The following FILIP1 variants were observed in gnomAD, a reference collection of about 807,000 sequenced individuals.
FILIP1 encodes filamin A interacting protein 1.
FILIP1 carries 61 observed loss-of-function variants against 102.1 expected under a neutral mutation model. That is an observed-to-expected ratio of 0.60 (90% CI 0.49 to 0.74). The LOEUF (loss-of-function observed/expected upper bound fraction) is 0.74, where lower values mean the gene tolerates loss of function less well. Ranked by LOEUF, FILIP1 falls within the 30% of genes least tolerant of loss-of-function variation. The pLI is 0.00. For missense variants in FILIP1, 1,314 were observed against 1,441.2 expected (o/e 0.91, Z 1.43); for synonymous variants, 491 against 526.9 (o/e 0.93, Z 0.93).
intron 3 of FILIP1, among the ~76,000 whole-genome samples, chr6:75,355,444 A>C (rs1448492723): frequency 7.2e-6 from 1 of 137,958 alleles, no homozygotes; most frequent in African/African-American, 2.8e-5. Context: ...CCCAGGCTGG[A>C]GTGCAGTGGC....
Position 75,314,263 on chromosome 6 carries a change from CTCT to C in FILIP1, c.1566_1568del (p.Glu523del). The stretch of plus-strand genomic sequence containing the variant: ...TTTTATTGAGTCCATCCACTTTTCT[CTCT>C]TCTTGTTTTATTTTTTCCATCATAT... On this transcript the variant is annotated inframe_deletion, in exon 5 of 6. Coordinates refer to ENST00000237172, the MANE Select transcript of FILIP1 (RefSeq NM_015687.5). The C allele has an allele frequency of 6.4e-7, 1 of 1,553,942 alleles. No individual in the cohort carries two copies. The highest frequency in any genetic ancestry group is 8.6e-7 in the Non-Finnish European group (1 of 1,161,596).
chr6:75,400,459 G>C (rs942897983), intron 2 of FILIP1, among the ~76,000 whole-genome samples: 5 of 152,152 alleles, frequency 3.3e-5, no homozygotes, highest in African/African-American at 1.2e-4. Context: ...TTTAGAAAAA[G>C]ATGGAGATGA....
At chr6:75,300,300 CA>C (rs1772803459) in intron 6 of FILIP1, among the ~76,000 whole-genome samples, 1 of 152,178 alleles carries the variant, frequency 6.6e-6, no homozygotes, top group Admixed American at 6.5e-5. Context: ...AGAACAAAAA[CA>C]TGTCCTCTTG....
intron 2 of FILIP1, among the ~76,000 whole-genome samples, chr6:75,397,409 T>G (rs1042777168): frequency 1.3e-5 from 2 of 151,662 alleles, no homozygotes; most frequent in African/African-American, 4.8e-5. Flanking sequence ...AAAAAAGGCA[T>G]GCATAGTTTG....
intron 1 of FILIP1, among the ~76,000 whole-genome samples, chr6:75,424,428 T>C (rs1777569232): frequency 1.3e-5 from 2 of 152,194 alleles, no homozygotes; most frequent in African/African-American, 4.8e-5. Context: ...ACTGCCTTTC[T>C]ACTCCTCAAT....
chr6:75,371,590 A>G (rs945544456), intron 2 of FILIP1, among the ~76,000 whole-genome samples: 3 of 152,190 alleles, frequency 2.0e-5, no homozygotes, highest in African/African-American at 7.2e-5. Context: ...AACTTACACT[A>G]ATCAAAATAG....
intron 1 of FILIP1, among the ~76,000 whole-genome samples, chr6:75,424,541 T>C (rs1043870917): frequency 1.3e-5 from 2 of 152,170 alleles, no homozygotes; most frequent in African/African-American, 4.8e-5. Flanking sequence ...AACAGAAACA[T>C]TTTATGACAA....
chr6:75,394,278 T>A (rs1776383047), intron 2 of FILIP1, among the ~76,000 whole-genome samples: 1 of 152,178 alleles, frequency 6.6e-6, no homozygotes, highest in African/African-American at 2.4e-5. Context: ...TAGTTCACTT[T>A]AGGATGAATT....
intron 4 of FILIP1, chr6:75,318,977 C>T (rs1773540749): frequency 1.7e-6 from 1 of 599,596 alleles, no homozygotes; most frequent in South Asian, 1.8e-5. Flanking sequence ...GAGTTGTGTA[C>T]AGGGAGGTTA....
At chr6:75,330,595 T>C (rs1042208598) in intron 4 of FILIP1, among the ~76,000 whole-genome samples, 1 of 152,212 alleles carries the variant, frequency 6.6e-6, no homozygotes, top group African/African-American at 2.4e-5. Flanking sequence ...AACTGCTTTT[T>C]CTTCATAAGA....
At chr6:75,316,063 T>C (rs1387821902) in intron 4 of FILIP1, among the ~76,000 whole-genome samples, 2 of 152,168 alleles carry the variant, frequency 1.3e-5, no homozygotes, top group African/African-American at 4.8e-5. Context: ...TGTATATCAA[T>C]ACAAAAATGT....
intron 4 of FILIP1, among the ~76,000 whole-genome samples, chr6:75,346,649 T>C (rs1428138423): frequency 6.6e-6 from 1 of 152,142 alleles, no homozygotes; most frequent in African/African-American, 2.4e-5. Context: ...GGAAGCTACC[T>C]TTTTAAGTTA....
chr6:75,465,273 G>T, intron 1 of FILIP1: 1 of 303,170 alleles, frequency 3.3e-6, no homozygotes, highest in South Asian at 3.6e-5. Flanking sequence ...AGATGCACAG[G>T]GCTAACAATT....
chr6:75,490,948 A>G (rs574959493), intron 1 of FILIP1, among the ~76,000 whole-genome samples: 29 of 152,248 alleles, frequency 1.9e-4, no homozygotes, highest in Admixed American at 1.6e-3. Context: ...GAACATCCAC[A>G]ATGTGCCTGC....
intron 1 of FILIP1, among the ~76,000 whole-genome samples, chr6:75,448,515 A>T (rs1778513803): frequency 6.6e-6 from 1 of 152,202 alleles, no homozygotes; most frequent in Non-Finnish European, 1.5e-5. Context: ...ACTTAATTGA[A>T]CTAAAAAGCT....
In FILIP1 at chr6:75,312,813, T is replaced by G. The variant is rs749359869; in HGVS notation, c.3019A>C (p.Ile1007Leu). ...GATGTAGACACCGTCATTATCTGAA[T>G]AGGGGATGTGGGCCTGTCTGCAAAT... Reference protein sequence around the residue: ...GAFADRPTSPIQIMTVSTSAA... With the variant: ...GAFADRPTSPLQIMTVSTSAA... The change falls in exon 5 of 6, where the codon ATT (isoleucine) becomes CTT (leucine). Residue 1007 changes from isoleucine (I) to leucine (L), a missense_variant. By Grantham distance (5) the Ile-to-Leu change is conservative. Transcript: ENST00000237172. 3 of 1,614,206 alleles carry G rather than the reference T, an allele frequency of 1.9e-6. No homozygotes were observed. The highest frequency in any genetic ancestry group is 2.5e-6 in the Non-Finnish European group (3 of 1,180,024).
intron 2 of FILIP1, among the ~76,000 whole-genome samples, chr6:75,400,706 C>A (rs1776627169): frequency 6.6e-6 from 1 of 151,932 alleles, no homozygotes; most frequent in East Asian, 1.9e-4. Flanking sequence ...GTGCTAAAGG[C>A]CATGGGAGAT....
chr6:75,379,599 T>A (rs974179689), intron 2 of FILIP1, among the ~76,000 whole-genome samples: 18 of 152,170 alleles, frequency 1.2e-4, no homozygotes, highest in Non-Finnish European at 2.5e-4. Flanking sequence ...GACCCAAGTG[T>A]TGGAGAGGCT....
At chr6:75,335,083 A>C (rs2149583035) in intron 4 of FILIP1, among the ~76,000 whole-genome samples, 1 of 152,230 alleles carries the variant, frequency 6.6e-6, no homozygotes, top group South Asian at 2.1e-4. Flanking sequence ...AACTAGCTAA[A>C]CTCTATACAG....
Sources: allele counts gnomAD v4.1 joint callset (sites outside exome capture counted in the v4.1 genomes callset), GRCh38; gene constraint gnomAD v4.1.1; transcripts MANE v1.5; gene names NCBI Gene and HGNC (gene_info 2026-07-23, HGNC 2026-07-21).